FOXP1: variants seen among roughly 807,000 people sequenced by gnomAD.
FOXP1 encodes the protein forkhead box protein P1.
A neutral mutation model predicts 98.2 loss-of-function variants in FOXP1; 15 were observed. That is an observed-to-expected ratio of 0.15 (90% CI 0.10 to 0.24). FOXP1 has a LOEUF of 0.24. Ranked by LOEUF, FOXP1 falls within the 10% of genes least tolerant of loss-of-function variation. FOXP1 has a pLI of 1.00. For missense variants in FOXP1, 633 were observed against 848.5 expected (o/e 0.75, Z 3.15); for synonymous variants, 371 against 314.5 (o/e 1.18, Z -1.90).
At chr3:71,042,256 C>T (rs962017026) in intron 10 of FOXP1, among the ~76,000 whole-genome samples, 4 of 152,102 alleles carry the variant, frequency 2.6e-5, no homozygotes, top group Middle Eastern at 6.8e-3. Context: ...AAAATGCAAA[C>T]GTAAAATAAA....
chr3:71,528,401 G>A (rs906657586), intron 2 of FOXP1, among the ~76,000 whole-genome samples: 3 of 152,178 alleles, frequency 2.0e-5, no homozygotes, highest in African/African-American at 7.2e-5. Context: ...ATTATATACC[G>A]CCTAAACAGA....
In FOXP1 at chr3:71,178,228, G is replaced by A. The variant is rs140813878; in HGVS notation, c.180+19974C>T. Among the ~76,000 whole-genome samples, 187 of 149,688 alleles carry A rather than the reference G, an allele frequency of 1.2e-3. 3 individuals carry two copies. In the East Asian group the frequency reaches 0.022, roughly 18 times the overall value. ...CAGCTCCCTGCAACCTCCGCCTCCC[G>A]GGTTCAAGCAATTCCCCTGCCTCAG... On this transcript the variant is annotated intron_variant, in intron 6 of 20. Transcript: ENST00000649528.
At chr3:71,499,850 T>C (rs1289818029) in intron 2 of FOXP1, among the ~76,000 whole-genome samples, 1 of 152,256 alleles carries the variant, frequency 6.6e-6, no homozygotes, top group Non-Finnish European at 1.5e-5. Flanking sequence ...AAAAGGTATG[T>C]GTTTGTCAGC....
In FOXP1 at chr3:71,041,365, T is replaced by C. The variant is rs1414461457; in HGVS notation, c.832A>G (p.Asn278Asp). 2 of 1,613,738 alleles carry C rather than the reference T, an allele frequency of 1.2e-6. No homozygotes were observed. Among genetic ancestry groups the C allele is most frequent in the South Asian group, 2.2e-5 (2 of 91,086 alleles). ...SLIMNPHAST[N>D]GQLSVHTPKR... ...GGAGTGTGGACTGAGAGCTGTCCAT[T>C]GGTAGAGGCATGTGGGTTCATTATT... Residue 278 changes from asparagine to aspartate, a missense_variant, in exon 11 of 21, where the codon AAT (asparagine) becomes GAT (aspartate). By Grantham distance (23) the Asn-to-Asp change is conservative (BLOSUM62 1). This residue lies in a region of FOXP1 where 210 missense variants were observed against 270.6 expected (regional missense o/e 0.78). Transcript: ENST00000649528.
intron 6 of FOXP1, among the ~76,000 whole-genome samples, chr3:71,181,860 A>C (rs1576250749): frequency 6.6e-6 from 1 of 151,900 alleles, no homozygotes; most frequent in Admixed American, 6.6e-5. Flanking sequence ...GTGAAACCCT[A>C]TCTCTACTAA....
intron 5 of FOXP1, among the ~76,000 whole-genome samples, chr3:71,268,682 G>A (rs1324475633): frequency 6.6e-6 from 1 of 152,162 alleles, no homozygotes; most frequent in Non-Finnish European, 1.5e-5. Flanking sequence ...CCCTGATTCT[G>A]TCCCTTGTGA....
chr3:71,269,106 T>TC (rs2070067623), intron 5 of FOXP1, among the ~76,000 whole-genome samples: 1 of 150,996 alleles, frequency 6.6e-6, no homozygotes, highest in African/African-American at 2.4e-5. Flanking sequence ...TTGTTTTTTT[T>TC]TTTTTTCATT....
At chr3:71,581,290 G>T in intron 2 of FOXP1, 1 of 985,348 alleles carries the variant, frequency 1.0e-6, no homozygotes, top group East Asian at 1.1e-4. Flanking sequence ...ATATTTTATC[G>T]GAGCACTTTA....
intron 2 of FOXP1, chr3:71,580,815 CA>C (rs1050345624): frequency 1.0e-6 from 1 of 985,398 alleles, no homozygotes; most frequent in Non-Finnish European, 1.2e-6. Flanking sequence ...AGTCTACGTA[CA>C]ACCAATGGTG....
At position 71,564,893 on chromosome 3, in the gene FOXP1, T is replaced by A. The variant is rs145260769; in HGVS notation, c.-298+16656A>T. Reference sequence around the variant, plus strand: ...ACTTTGGGAGGCTGAGGTGGGTGGATCACCTGAGGTCAGGAGTTCAAGACC... The same window carrying A: ...ACTTTGGGAGGCTGAGGTGGGTGGAACACCTGAGGTCAGGAGTTCAAGACC... On this transcript the variant is annotated intron_variant, in intron 2 of 20. Transcript: ENST00000649528. 1.0e-3 allele frequency among the ~76,000 whole-genome samples: 156 copies of A among 152,254 alleles called. 1 individual carries two copies. Among genetic ancestry groups the A allele is most frequent in the African/African-American group, 3.6e-3 (148 of 41,538 alleles).
rs551950442 is a variant in FOXP1, at chr3:71,107,193, C to T, written c.282+5343G>A. On this transcript the variant is annotated intron_variant, in intron 7 of 20. Transcript: ENST00000649528. ...CTGAAGTTGAAATAACAAAAACGAA[C>T]GAACTCATTATATTACAACTTGCAC... Among the ~76,000 whole-genome samples, 30 of 152,212 alleles carry T rather than the reference C, an allele frequency of 2.0e-4. No homozygotes were observed. In the South Asian group the frequency reaches 4.3e-3, roughly 22 times the overall value.
intron 7 of FOXP1, among the ~76,000 whole-genome samples, chr3:71,094,201 C>T (rs2056210373): frequency 6.6e-6 from 1 of 151,848 alleles, no homozygotes; most frequent in Admixed American, 6.6e-5. Flanking sequence ...AACAAGTTCA[C>T]AATGGCTGTA....
chr3:71,032,804 G>A (rs1213751557), intron 11 of FOXP1, among the ~76,000 whole-genome samples: 1 of 152,132 alleles, frequency 6.6e-6, no homozygotes, highest in Non-Finnish European at 1.5e-5. Context: ...CTCCAGTATT[G>A]GCTTAAGAGC....
intron 2 of FOXP1, among the ~76,000 whole-genome samples, chr3:71,545,627 C>T (rs1298022973): frequency 1.3e-5 from 2 of 152,256 alleles, no homozygotes; most frequent in African/African-American, 4.8e-5. Flanking sequence ...TCAGTAACTG[C>T]AAGATTTCTA....
At chr3:71,064,009 A>AT (rs1214926516) in intron 7 of FOXP1, among the ~76,000 whole-genome samples, 2 of 152,178 alleles carry the variant, frequency 1.3e-5, no homozygotes, top group African/African-American at 4.8e-5. Context: ...AGTTAGCTAC[A>AT]TTCAGAGCCG....
At chr3:71,276,421 G>C (rs1424711184) in intron 5 of FOXP1, 2 of 152,072 alleles carry the variant, frequency 1.3e-5, no homozygotes, top group African/African-American at 4.8e-5. Context: ...GTCTAATCCA[G>C]TTTCATTATC....
chr3:71,280,627 A>G (rs1560233777), intron 5 of FOXP1, among the ~76,000 whole-genome samples: 1 of 151,978 alleles, frequency 6.6e-6, no homozygotes, highest in Non-Finnish European at 1.5e-5. Context: ...CCCAGCCTAC[A>G]ATATCTTTTT....
intron 6 of FOXP1, among the ~76,000 whole-genome samples, chr3:71,170,622 A>T (rs2061603892): frequency 6.6e-6 from 1 of 152,188 alleles, no homozygotes; most frequent in Non-Finnish European, 1.5e-5. Context: ...TCTTTTGACT[A>T]TAGGATGTTT....
chr3:71,548,976 T>A (rs192726495), intron 2 of FOXP1, among the ~76,000 whole-genome samples: 3 of 152,136 alleles, frequency 2.0e-5, no homozygotes, highest in Non-Finnish European at 4.4e-5. Flanking sequence ...AAATAACATA[T>A]CCAAGGTTAA....
Sources: allele counts gnomAD v4.1 joint callset (sites outside exome capture counted in the v4.1 genomes callset), GRCh38; gene constraint gnomAD v4.1.1; regional missense constraint gnomAD v4.1.1; transcripts MANE v1.5; gene names NCBI Gene and HGNC (gene_info 2026-07-23, HGNC 2026-07-21).